Variants in RAI14 observed in about 807,000 individuals in gnomAD.
The protein encoded by RAI14 is ankycorbin.
A neutral mutation model predicts 115.4 loss-of-function variants in RAI14; 45 were observed. The ratio of observed to expected loss-of-function variants is 0.39; its 90% CI spans 0.31 to 0.50. RAI14 has a LOEUF of 0.50. RAI14 is among the 20% of genes least tolerant of loss of function. The pLI is 0.85. For synonymous variants in RAI14, 371 were observed against 415.4 expected (o/e 0.89, Z 1.30); for missense variants, 939 against 1,131.2 (o/e 0.83, Z 2.44).
At chr5:34,688,608 A>G (rs1393533999) in intron 2 of RAI14, among the ~76,000 whole-genome samples, 1 of 152,232 alleles carries the variant, frequency 6.6e-6, no homozygotes, top group Non-Finnish European at 1.5e-5. Flanking sequence ...TGATTTTGGC[A>G]GTTAGTGCTA....
chr5:34,811,031 T>A lies in RAI14; in HGVS notation c.470T>A (p.Leu157His), dbSNP rs776386987. The change falls in exon 8 of 18, where the codon CTT becomes CAT. Residue 157 changes from leucine (L) to histidine (H), a missense_variant. By Grantham distance (99) the Leu-to-His change is moderately conservative (BLOSUM62 -3). Coordinates refer to ENST00000265109, the MANE Select transcript of RAI14 (RefSeq NM_015577.3). ...LKDLDGNIPL[L>H]LAVQNGHSEI... ...TCCTAGGATGGGAATATACCGCTGC[T>A]TCTTGCTGTACAAAATGGTCACAGT... 3.1e-6 allele frequency: 5 copies of A among 1,613,996 alleles called. No homozygotes were observed. The Admixed American group carries it at 8.3e-5, about 27-fold the overall frequency.
At chr5:34,666,301 G>A (rs1009241969) in intron 1 of RAI14, among the ~76,000 whole-genome samples, 1 of 151,718 alleles carries the variant, frequency 6.6e-6, no homozygotes, top group Non-Finnish European at 1.5e-5. Flanking sequence ...CCGGCCCCCC[G>A]ACAGTACTCC....
intron 3 of RAI14, among the ~76,000 whole-genome samples, chr5:34,794,240 TG>T (rs2150202519): frequency 6.6e-6 from 1 of 152,242 alleles, no homozygotes; most frequent in African/African-American, 2.4e-5. Context: ...CTGGGTAACA[TG>T]GTGAAACCCC....
chr5:34,742,846 G>A (rs1331567543), intron 2 of RAI14, among the ~76,000 whole-genome samples: 1 of 152,034 alleles, frequency 6.6e-6, no homozygotes, highest in African/African-American at 2.4e-5. Context: ...TGTATTTTTA[G>A]TGGAGAAGGT....
chr5:34,824,303 G>T lies in RAI14; in HGVS notation c.2461G>T (p.Val821Phe). ...VKEKEKVHSE[V>F]VQIRSEVSQV... ...AGAGAAAGAGAAGGTCCATTCAGAG[G>T]TTGTCCAGATTAGAAGTGAGGTCTC... The change falls in exon 15 of 18, where the codon GTT becomes TTT. Residue 821 changes from valine to phenylalanine, a missense_variant. By Grantham distance (50) the Val-to-Phe change is conservative (BLOSUM62 -1). Coordinates refer to ENST00000265109, the MANE Select transcript of RAI14 (RefSeq NM_015577.3). 1 of 1,614,196 alleles carries T rather than the reference G, an allele frequency of 6.2e-7. No individual in the cohort carries two copies. The highest frequency in any genetic ancestry group is 8.5e-7 in the Non-Finnish European group (1 of 1,180,042).
chr5:34,662,667 A>G (rs1354008096), intron 1 of RAI14, among the ~76,000 whole-genome samples: 3 of 152,012 alleles, frequency 2.0e-5, no homozygotes, highest in Non-Finnish European at 4.4e-5. Context: ...TAAGCTGAAA[A>G]TCATAAACAT....
intron 2 of RAI14, among the ~76,000 whole-genome samples, chr5:34,695,751 C>T (rs564388526): frequency 6.6e-6 from 1 of 151,138 alleles, no homozygotes; most frequent in African/African-American, 2.4e-5. Flanking sequence ...TTGGACAGTG[C>T]TGCTCTAAGA....
At chr5:34,797,577 T>C (rs1753696317) in intron 4 of RAI14, among the ~76,000 whole-genome samples, 1 of 152,138 alleles carries the variant, frequency 6.6e-6, no homozygotes, top group African/African-American at 2.4e-5. Context: ...TTCTGAGCAG[T>C]TCCACAGAAA....
At chr5:34,741,396 C>A (rs1745493496) in intron 2 of RAI14, among the ~76,000 whole-genome samples, 1 of 152,176 alleles carries the variant, frequency 6.6e-6, no homozygotes, top group African/African-American at 2.4e-5. Flanking sequence ...TACACTGTTC[C>A]CCTCTCTGTA....
At chr5:34,780,465 T>C (rs1413667659) in intron 3 of RAI14, among the ~76,000 whole-genome samples, 2 of 152,098 alleles carry the variant, frequency 1.3e-5, no homozygotes, top group African/African-American at 4.8e-5. Flanking sequence ...ATTTTTGCAA[T>C]GTACTCATCT....
intron 2 of RAI14, among the ~76,000 whole-genome samples, chr5:34,729,222 A>G (rs1421224187): frequency 1.3e-5 from 2 of 151,818 alleles, no homozygotes; most frequent in Non-Finnish European, 2.9e-5. Flanking sequence ...AGTGGCACAC[A>G]CCTGTAGTCC....
At chr5:34,708,201 G>GTT (rs146605112) in intron 2 of RAI14, among the ~76,000 whole-genome samples, 3,480 of 147,202 alleles carry the variant, frequency 0.024, 83 homozygotes, top group Non-Finnish European at 0.032. Context: ...GGAACTTTGG[G>GTT]TTTTTGTTTT....
At chr5:34,743,926 C>T (rs1745847193) in intron 2 of RAI14, among the ~76,000 whole-genome samples, 1 of 152,178 alleles carries the variant, frequency 6.6e-6, no homozygotes, top group African/African-American at 2.4e-5. Context: ...TCTTTAACAT[C>T]TGTAAAGGGC....
At chr5:34,761,804 A>G (rs968758000) in intron 3 of RAI14, among the ~76,000 whole-genome samples, 2 of 151,942 alleles carry the variant, frequency 1.3e-5, no homozygotes, top group African/African-American at 4.8e-5. Context: ...ATTTTATTCT[A>G]TTTATTTAGA....
intron 2 of RAI14, among the ~76,000 whole-genome samples, chr5:34,692,256 C>T (rs952181952): frequency 1.5e-5 from 2 of 130,092 alleles, no homozygotes; most frequent in African/African-American, 5.0e-5. Flanking sequence ...GAGCGAAACT[C>T]CGTCTGTTAA....
intron 2 of RAI14, chr5:34,716,223 T>A: frequency 3.0e-6 from 1 of 338,088 alleles, no homozygotes; most frequent in Non-Finnish European, 5.7e-6. Flanking sequence ...TCTTTTGAGG[T>A]GAGTGGAAAT....
intron 1 of RAI14, chr5:34,685,797 C>A (rs1022860008): frequency 6.6e-6 from 1 of 152,132 alleles, no homozygotes; most frequent in Non-Finnish European, 1.5e-5. Flanking sequence ...AAACTCAGAA[C>A]CTTCCTCCCT....
rs541448900 is a variant in RAI14 at position 34,818,872 on chromosome 5, T to G, written c.994+21T>G. 9.1e-5 allele frequency: 53 copies of G among 581,478 alleles called. 1 individual carries two copies. The African/African-American group carries it at 1.0e-3, about 11-fold the overall frequency. 36.0% of individuals were successfully genotyped at this position (581,478 alleles called of 1,614,324 possible). A position where few individuals can be genotyped will look rare whatever the true frequency, so the allele number is the denominator to read the frequency against. ...TACAGGTAAGACAAGGAAGCATCTG[T>G]TTTTTTTTTTCCTTCAACCAAACTA... On this transcript the variant is annotated intron_variant, in intron 13 of 17. Transcript: ENST00000265109.
chr5:34,715,253 A>C (rs1016791438), intron 2 of RAI14, among the ~76,000 whole-genome samples: 2 of 152,092 alleles, frequency 1.3e-5, no homozygotes, highest in Non-Finnish European at 2.9e-5. Flanking sequence ...CCGTTTTTAT[A>C]CCAAATGTGG....
Sources: allele counts gnomAD v4.1 joint callset (sites outside exome capture counted in the v4.1 genomes callset), GRCh38; gene constraint gnomAD v4.1.1; transcripts MANE v1.5; gene names NCBI Gene and HGNC (gene_info 2026-07-23, HGNC 2026-07-21).